BBOX1: variants seen among roughly 807,000 people sequenced by gnomAD.
BBOX1 encodes gamma-butyrobetaine dioxygenase.
BBOX1 carries 35 observed loss-of-function variants against 41.6 expected under a neutral mutation model. The observed-to-expected ratio is 0.84, with a 90% CI of 0.64 to 1.11. The LOEUF is 1.11. Among genes scored for constraint, BBOX1 ranks in the 50% most tolerant of loss-of-function variants. The pLI is 0.00. For synonymous variants in BBOX1, 163 were observed against 154.7 expected (o/e 1.05, Z -0.40); for missense variants, 458 against 460.6 (o/e 0.99, Z 0.05).
At chr11:27,118,194 A>G (rs1859334308) in intron 6 of BBOX1, among the ~76,000 whole-genome samples, 1 of 152,030 alleles carries the variant, frequency 6.6e-6, no homozygotes, top group African/African-American at 2.4e-5. Flanking sequence ...AAGAAGTGCA[A>G]CAAACCTGTA....
At chr11:27,055,784 G>T in intron 3 of BBOX1, 135 bp downstream of exon 3, 2 of 696,514 alleles carry the variant, frequency 2.9e-6, no homozygotes, top group South Asian at 2.0e-5. Flanking sequence ...TATAGTACTT[G>T]GTGCGAATTA....
At chr11:27,123,118 C>T (rs555359876) in intron 7 of BBOX1, among the ~76,000 whole-genome samples, 1 of 152,094 alleles carries the variant, frequency 6.6e-6, no homozygotes, top group African/African-American at 2.4e-5. Context: ...ATTTGCTTTC[C>T]ATTCCCCTAT....
intron 4 of BBOX1, among the ~76,000 whole-genome samples, chr11:27,059,955 C>T (rs757042760): frequency 2.0e-5 from 3 of 152,178 alleles, no homozygotes; most frequent in Non-Finnish European, 4.4e-5. Flanking sequence ...AAACTTTAAA[C>T]TTCAGACTTT....
intron 2 of BBOX1, among the ~76,000 whole-genome samples, chr11:27,049,242 T>C (rs4345921): frequency 0.14 from 20,682 of 152,050 alleles, 1,817 homozygotes; most frequent in South Asian, 0.32. Context: ...CCAAGACTTA[T>C]CTTTTGTCTT....
chr11:27,047,449 C>CT (rs1851520587), intron 2 of BBOX1: 1 of 152,160 alleles, frequency 6.6e-6, no homozygotes, highest in Non-Finnish European at 1.5e-5. Flanking sequence ...ACACCACCAT[C>CT]TTTAAGCAGA....
chr11:27,090,502 G>A (rs532804764), intron 4 of BBOX1, among the ~76,000 whole-genome samples: 1 of 151,912 alleles, frequency 6.6e-6, no homozygotes, highest in Admixed American at 6.6e-5. Flanking sequence ...ATGCTTCTGA[G>A]GGAATAGGAC....
intron 5 of BBOX1, among the ~76,000 whole-genome samples, chr11:27,097,094 T>C (rs1475697712): frequency 1.3e-5 from 2 of 152,026 alleles, no homozygotes; most frequent in Non-Finnish European, 2.9e-5. Context: ...TCATTGTCAA[T>C]TTTGTCAAAT....
Position 27,127,546 on chromosome 11 carries a change from T to C in BBOX1, c.*93T>C. The C allele has an allele frequency of 7.2e-7, 1 of 1,383,192 alleles. No individual in the cohort carries two copies. Among genetic ancestry groups the C allele is most frequent in the Non-Finnish European group, 9.8e-7 (1 of 1,020,838 alleles). 85.7% of individuals were successfully genotyped at this position (1,383,192 alleles called of 1,614,324 possible). On this transcript the variant is annotated 3_prime_UTR_variant, in exon 9 of 9. Coordinates refer to ENST00000263182, the MANE Select transcript of BBOX1 (RefSeq NM_003986.3). ...CAGACCATGATCTTTGTGATTTACA[T>C]ATAATTTCCTTAACAATGAACATGT...
At chr11:27,115,332 A>G in intron 5 of BBOX1, 120 bp from the exon 6 acceptor site, 1 of 731,462 alleles carries the variant, frequency 1.4e-6, no homozygotes, top group South Asian at 1.9e-5. Flanking sequence ...CATAGTCATT[A>G]TGGTAATTAT....
At chr11:27,051,008 C>T (rs1222489900) in intron 2 of BBOX1, among the ~76,000 whole-genome samples, 2 of 151,900 alleles carry the variant, frequency 1.3e-5, no homozygotes, top group African/African-American at 4.8e-5. Context: ...AGATACATTC[C>T]CTCTATACAT....
At chr11:27,069,859 T>C (rs753824138) in intron 4 of BBOX1, among the ~76,000 whole-genome samples, 112 of 152,132 alleles carry the variant, frequency 7.4e-4, no homozygotes, top group Non-Finnish European at 1.4e-3. Flanking sequence ...GATGCTGAAT[T>C]TTATCAAATG....
chr11:27,125,958 T>A, intron 8 of BBOX1, 138 bp downstream of exon 8: 1 of 882,974 alleles, frequency 1.1e-6, no homozygotes, highest in Non-Finnish European at 1.7e-6. Flanking sequence ...AGCAACTGAC[T>A]TGCTTATGTA....
rs114854798 is a variant in BBOX1, at chr11:27,102,224, G to A, written c.533+8858G>A. Among the ~76,000 whole-genome samples the A allele has an allele frequency of 4.3e-3, 654 of 152,112 alleles. 9 individuals carry two copies. The highest frequency in any genetic ancestry group is 0.014 in the African/African-American group (601 of 41,526). On this transcript the variant is annotated intron_variant, in intron 5 of 8. Coordinates refer to ENST00000263182, the MANE Select transcript of BBOX1 (RefSeq NM_003986.3). ...ATGTGGTTGATAATACTCTAAACCA[G>A]GAAAGAAAGGAAGTGAATACCATAA... is the stretch of plus-strand genomic sequence containing the variant.
At position 27,082,058 on chromosome 11, in the gene BBOX1, A is replaced by G. The variant is rs186174825; in HGVS notation, c.335-11110A>G. On this transcript the variant is annotated intron_variant, in intron 4 of 8. Coordinates refer to ENST00000263182, the MANE Select transcript of BBOX1 (RefSeq NM_003986.3). ...TTTGCTGGGTGCCACAGACTTTTAAATGGCCAGATTTCTTGAGAACTCACT... is the reference window on the plus strand; with the variant it reads ...TTTGCTGGGTGCCACAGACTTTTAAGTGGCCAGATTTCTTGAGAACTCACT... Among the ~76,000 whole-genome samples the G allele has an allele frequency of 9.1e-4, 138 of 152,108 alleles. 1 individual carries two copies. The highest frequency in any genetic ancestry group is 3.3e-3 in the African/African-American group (137 of 41,516).
In BBOX1 at chr11:27,115,632, T is replaced by C. The variant is rs1009313112; in HGVS notation, c.639+75T>C. 3.3e-5 allele frequency: 43 copies of C among 1,298,044 alleles called. 1 individual carries two copies. The highest frequency in any genetic ancestry group is 4.2e-5 in the Non-Finnish European group (39 of 938,202). The allele number at this position is 1,298,044 out of a possible 1,614,324, so 80.4% of individuals were successfully genotyped here. On this transcript the variant is annotated intron_variant, in intron 6 of 8. Coordinates refer to ENST00000263182, the MANE Select transcript of BBOX1 (RefSeq NM_003986.3). ...CTTTTCGTATTTTGAGTCTAGAAGATTACACATTTCACCAGGTAGTTTGTC... is the reference window on the plus strand; with the variant it reads ...CTTTTCGTATTTTGAGTCTAGAAGACTACACATTTCACCAGGTAGTTTGTC...
chr11:27,076,589 G>T, intron 4 of BBOX1, among the ~76,000 whole-genome samples: 1 of 152,290 alleles, frequency 6.6e-6, no homozygotes, highest in East Asian at 1.9e-4. Flanking sequence ...TTACCTAGGG[G>T]AGGTATTCTG....
Position 27,055,651 on chromosome 11 carries a change from T to A in BBOX1, c.219+2T>A. The A allele has an allele frequency of 6.2e-7, 1 of 1,603,678 alleles. No individual in the cohort carries two copies. Among genetic ancestry groups the A allele is most frequent in the Non-Finnish European group, 8.5e-7 (1 of 1,171,086 alleles). ...GGCTTGATATTTGACAGAAAAAAGG[T>A]AATTATCTCTAAATTATGTCTCCCT... is the stretch of plus-strand genomic sequence containing the variant. On this transcript the variant is annotated splice_donor_variant, in intron 3 of 8. Coordinates refer to ENST00000263182, the MANE Select transcript of BBOX1 (RefSeq NM_003986.3). LOFTEE classifies it high-confidence loss of function.
chr11:27,105,600 A>G (rs1384729909), intron 5 of BBOX1, among the ~76,000 whole-genome samples: 2 of 152,174 alleles, frequency 1.3e-5, no homozygotes, highest in African/African-American at 2.4e-5. Context: ...ATGTGAAAAG[A>G]CCAAATCTAC....
chr11:27,105,625 C>A (rs1197128539), intron 5 of BBOX1, among the ~76,000 whole-genome samples: 1 of 152,056 alleles, frequency 6.6e-6, no homozygotes, highest in African/African-American at 2.4e-5. Context: ...GATTGGGGTA[C>A]CTGAAAGTGA....
Sources: gnomAD v4.1 joint callset for allele counts (sites outside exome capture counted in the v4.1 genomes callset) on GRCh38, gnomAD v4.1.1 for gene constraint, MANE v1.5 for transcripts, NCBI Gene and HGNC (gene_info 2026-07-23, HGNC 2026-07-21) for gene names.